Variants in KIF13B observed in about 807,000 individuals in gnomAD.
KIF13B encodes the protein kinesin-like protein KIF13B.
A neutral mutation model predicts 222.0 loss-of-function variants in KIF13B; 127 were observed. The observed-to-expected ratio is 0.57, with a 90% confidence interval of 0.50 to 0.66. KIF13B has a LOEUF of 0.66. Among genes scored for constraint, KIF13B ranks in the 30% least tolerant of loss-of-function variants. The probability of loss-of-function intolerance (pLI) is 0.00; values close to 1 mark genes in which losing one functional copy is unlikely to be tolerated. For synonymous variants in KIF13B, 976 were observed against 919.0 expected (o/e 1.06, Z -1.12); for missense variants, 2,173 against 2,379.0 (o/e 0.91, Z 1.80).
At chr8:29,150,933 A>G (rs1021086501) in intron 14 of KIF13B, among the ~76,000 whole-genome samples, 10 of 152,220 alleles carry the variant, frequency 6.6e-5, no homozygotes, top group African/African-American at 2.4e-4. Flanking sequence ...AGAGTCACAC[A>G]TCTCTCAAAA....
intron 1 of KIF13B, among the ~76,000 whole-genome samples, chr8:29,257,952 T>C (rs1326158671): frequency 6.6e-6 from 1 of 152,226 alleles, no homozygotes; most frequent in East Asian, 1.9e-4. Context: ...AGTCACTGAG[T>C]TGACAGTAGA....
At chr8:29,092,185 A>T (rs1027551747) in intron 37 of KIF13B, among the ~76,000 whole-genome samples, 5 of 152,240 alleles carry the variant, frequency 3.3e-5, no homozygotes, top group African/African-American at 1.2e-4. Flanking sequence ...GTTCCCATTC[A>T]CTATTGCATA....
rs542310816 is a variant in KIF13B, at chr8:29,222,745, G to C, written c.149+22601C>G. ...TTCTTGGGTACATGCCAAAGACTTC[G>C]CCATAACTTTTCAAGTTAATTACAC... On this transcript the variant is annotated intron_variant, in intron 2 of 39. Transcript: ENST00000524189. Among the ~76,000 whole-genome samples the C allele has an allele frequency of 8.6e-5, 13 of 151,826 alleles. No homozygotes were observed. In the South Asian group the frequency reaches 2.5e-3, roughly 29 times the overall value.
At chr8:29,186,509 T>C in intron 5 of KIF13B, 37 bp from the exon 6 acceptor site, 2 of 1,542,262 alleles carry the variant, frequency 1.3e-6, no homozygotes, top group Non-Finnish European at 1.8e-6. Flanking sequence ...ATTGTCTCTT[T>C]GAGACGTTAA....
chr8:29,231,418 C>T (rs1815280155), intron 2 of KIF13B, among the ~76,000 whole-genome samples: 1 of 152,194 alleles, frequency 6.6e-6, no homozygotes, highest in Admixed American at 6.5e-5. Context: ...ATATTATACC[C>T]AATCCCCCAA....
At chr8:29,223,938 G>A (rs1051643447) in intron 2 of KIF13B, among the ~76,000 whole-genome samples, 18 of 151,908 alleles carry the variant, frequency 1.2e-4, no homozygotes, top group East Asian at 5.8e-4. Context: ...TGATCCGCCC[G>A]CCTCAGCCTC....
At chr8:29,142,450 A>G (rs938958826) in intron 18 of KIF13B, 147 bp from the exon 19 acceptor site, 4 of 677,116 alleles carry the variant, frequency 5.9e-6, no homozygotes, top group Admixed American at 2.9e-5. Flanking sequence ...AGCCTCCAAA[A>G]AGTCTTACAA....
Position 29,070,641 on chromosome 8 carries a change from G to GGA in KIF13B, c.5342_5343dup (p.Arg1782SerfsTer24). ...CGGCGGGCCTCGGGGGCACCCAGCCGGAGTCCTGTGCTGCGCCGCCGCACA... is the reference window on the plus strand; with the variant it reads ...CGGCGGGCCTCGGGGGCACCCAGCCGGAGAGTCCTGTGCTGCGCCGCCGCACA... On this transcript the variant is annotated frameshift_variant, in exon 40 of 40. Coordinates refer to ENST00000524189, the MANE Select transcript of KIF13B (RefSeq NM_015254.4). LOFTEE classifies it high-confidence loss of function. This position sits in a 1 kb window ranked among gnomAD's most constrained non-coding sequence, Gnocchi z 4.1. 6.4e-7 allele frequency: 1 copy of GGA among 1,568,036 alleles called. No individual in the cohort carries two copies. The highest frequency in any genetic ancestry group is 1.2e-5 in the South Asian group (1 of 86,132).
chr8:29,150,380 T>C lies in KIF13B; in HGVS notation c.1539A>G (p.Thr513=). The change falls in exon 15 of 40, where the codon ACA becomes ACG. Residue 513 remains threonine (T), a synonymous_variant. Coordinates refer to ENST00000524189, the MANE Select transcript of KIF13B (RefSeq NM_015254.4). The stretch of plus-strand genomic sequence containing the variant: ...TGGAGACAGATGACCCATTTACAAA[T>C]GTTCTGTAAGGAGAAGAGATCAAAC... ...VMLTPQKNTR[T]FVNGSSVSSP... is the part of the protein sequence containing the mutation. The C allele has an allele frequency of 6.5e-7, 1 of 1,547,698 alleles. No homozygotes were observed. The highest frequency in any genetic ancestry group is 8.9e-7 in the Non-Finnish European group (1 of 1,124,536).
intron 2 of KIF13B, among the ~76,000 whole-genome samples, chr8:29,201,512 A>T (rs1397305972): frequency 6.6e-6 from 1 of 152,228 alleles, no homozygotes; most frequent in Non-Finnish European, 1.5e-5. Flanking sequence ...CCAAAAGTAA[A>T]CCACACAGTA....
Position 29,078,010 on chromosome 8 carries a change from C to T in KIF13B, c.4459-2667G>A, listed in dbSNP as rs144158590. 9.3e-5 allele frequency among the ~76,000 whole-genome samples: 14 copies of T among 151,210 alleles called. No individual in the cohort carries two copies. The East Asian group carries it at 2.1e-3, about 23-fold the overall frequency. ...TCAAAAGCAGAGAGGAGGCCAGGCACGGTGGTTCACGCCTATAATCCCAGC... is the reference window on the plus strand; with the variant it reads ...TCAAAAGCAGAGAGGAGGCCAGGCATGGTGGTTCACGCCTATAATCCCAGC... On this transcript the variant is annotated intron_variant, in intron 37 of 39. Transcript: ENST00000524189.
In KIF13B at chr8:29,146,401, A is replaced by T; in HGVS notation, c.2164T>A (p.Ser722Thr). The T allele has an allele frequency of 1.2e-6, 2 of 1,613,888 alleles. No homozygotes were observed. Among genetic ancestry groups the T allele is most frequent in the African/African-American group, 2.7e-5 (2 of 75,014 alleles). Residue 722 changes from serine (S) to threonine (T), a missense_variant, in exon 18 of 40, where the codon TCC becomes ACC. Around this residue, in one of 2 missense-constraint regions of KIF13B, gnomAD observed 1,480 missense variants for 1,722.8 expected, o/e 0.86. Transcript: ENST00000524189. ...ACCTTCCTGTTGGCATCCAGGCTGGAGGCTGGAATCTGTAGGGTAACTTTG... is the reference window on the plus strand; with the variant it reads ...ACCTTCCTGTTGGCATCCAGGCTGGTGGCTGGAATCTGTAGGGTAACTTTG... Reference protein sequence around the residue: ...EYKVTLQIPASSLDANRKRGS... With the variant: ...EYKVTLQIPATSLDANRKRGS...
chr8:29,245,936 G>A (rs770516975), intron 1 of KIF13B, among the ~76,000 whole-genome samples: 5 of 152,120 alleles, frequency 3.3e-5, no homozygotes, highest in Admixed American at 2.6e-4. Context: ...TTATAATAGC[G>A]TCAAAAATAT....
At chr8:29,263,084 G>C, upstream of KIF13B, 1 of 1,541,052 alleles carries the variant, frequency 6.5e-7, no homozygotes, top group Non-Finnish European at 8.8e-7. Context: ...GCGGCCACCG[G>C]CGACTCTTCG....
In KIF13B at chr8:29,071,796, C is replaced by A. The variant is rs1807290927; in HGVS notation, c.5042G>T (p.Gly1681Val). The change falls in exon 39 of 40, where the codon GGC becomes GTC. Residue 1681 changes from glycine (G) to valine (V), a missense_variant. Gly to Val is a moderately radical substitution (Grantham distance 109, BLOSUM62 -3). Transcript: ENST00000524189. This position sits in a 1 kb window ranked among gnomAD's most constrained non-coding sequence, Gnocchi z 4.9. Reference sequence around the variant, plus strand: ...AGAGGCCAGGGCCTGTCCCCCGGCGCCCGGGGCCGGCGCATTCCCCTCGGC... The same window carrying A: ...AGAGGCCAGGGCCTGTCCCCCGGCGACCGGGGCCGGCGCATTCCCCTCGGC... ...PGAEGNAPAP[G>V]AGGQALASDS... The A allele has an allele frequency of 1.3e-6, 2 of 1,546,714 alleles. No individual in the cohort carries two copies. The highest frequency in any genetic ancestry group is 8.7e-7 in the Non-Finnish European group (1 of 1,146,280).
intron 1 of KIF13B, among the ~76,000 whole-genome samples, chr8:29,253,603 T>A (rs2130683742): frequency 6.6e-6 from 1 of 151,790 alleles, no homozygotes; most frequent in South Asian, 2.1e-4. Context: ...CTCAGAAGAC[T>A]AAGAAACAGG....
chr8:29,173,491 T>C (rs1421166863), intron 10 of KIF13B, among the ~76,000 whole-genome samples: 1 of 144,304 alleles, frequency 6.9e-6, no homozygotes, highest in African/African-American at 2.6e-5. Flanking sequence ...TTGCTAGGCA[T>C]GGTGGTGTAG....
At chr8:29,233,012 C>T (rs1027625855) in intron 2 of KIF13B, among the ~76,000 whole-genome samples, 7 of 152,086 alleles carry the variant, frequency 4.6e-5, no homozygotes, top group East Asian at 1.9e-4. Context: ...AAAAATTAGC[C>T]GAGCATGGTG....
At chr8:29,245,143 C>T (rs927620736) in intron 2 of KIF13B, among the ~76,000 whole-genome samples, 5 of 152,210 alleles carry the variant, frequency 3.3e-5, no homozygotes, top group Non-Finnish European at 7.3e-5. Context: ...AATACAATTA[C>T]TACCTCTAAT....
Sources: allele counts gnomAD v4.1 joint callset (sites outside exome capture counted in the v4.1 genomes callset), GRCh38; gene constraint gnomAD v4.1.1; regional missense constraint gnomAD v4.1.1; non-coding constraint Gnocchi (gnomAD v3.1); transcripts MANE v1.5; gene names NCBI Gene and HGNC (gene_info 2026-07-23, HGNC 2026-07-21).